Variants in EIF2AK4 observed in about 807,000 individuals in gnomAD.
The protein encoded by EIF2AK4 is eukaryotic translation initiation factor 2 alpha kinase 4.
A neutral mutation model predicts 211.1 loss-of-function variants in EIF2AK4; 139 were observed. That is an observed-to-expected ratio of 0.66 (90% confidence interval 0.57 to 0.76). The LOEUF is 0.76. Among genes scored for constraint, EIF2AK4 ranks in the 30% least tolerant of loss-of-function variants. The pLI, the probability that EIF2AK4 is intolerant of heterozygous loss-of-function variation, is 0.00. For missense variants in EIF2AK4, 1,664 were observed against 2,043.8 expected (o/e 0.81, Z 3.58); for synonymous variants, 710 against 751.3 (o/e 0.94, Z 0.90).
In EIF2AK4 at chr15:39,967,748, A is replaced by G. The variant is rs1269247901; in HGVS notation, c.1422A>G (p.Lys474=). The change falls in exon 9 of 39, where the codon AAA becomes AAG. Residue 474 remains lysine, a synonymous_variant. Transcript: ENST00000263791. The part of the protein sequence containing the change: ...VRFSDNALPY[K]TGKKGDVWRL... ...TTAGTGACAATGCTCTGCCTTATAA[A>G]ACGGGGAAGAAAGGAGATGTTTGGC... 1 of 1,614,148 alleles carries G rather than the reference A, an allele frequency of 6.2e-7. No homozygotes were observed. Among genetic ancestry groups the G allele is most frequent in the East Asian group, 2.2e-5 (1 of 44,884 alleles).
chr15:40,035,155 TTCA>T lies in EIF2AK4; in HGVS notation c.*76_*78del. 2.6e-6 allele frequency: 3 copies of T among 1,166,030 alleles called. No homozygotes were observed. The highest frequency in any genetic ancestry group is 2.5e-5 in the East Asian group (1 of 39,638). 72.2% of individuals were successfully genotyped at this position (1,166,030 alleles called of 1,614,324 possible). A position where few individuals can be genotyped will look rare whatever the true frequency, so the allele number is the denominator to read the frequency against. On this transcript the variant is annotated 3_prime_UTR_variant, in exon 39 of 39. Coordinates refer to ENST00000263791, the MANE Select transcript of EIF2AK4 (RefSeq NM_001013703.4). ...TACTGGAATAATGGAATGTTGTACA[TTCA>T]TCATAATTTAAAATTAAATTCTAAG...
rs1038130422 is a variant in EIF2AK4 at position 39,996,944 on chromosome 15, C to A, written c.2767-20C>A. On this transcript the variant is annotated intron_variant, in intron 18 of 38. Transcript: ENST00000263791. ...CTTTCATATCAAGGCTCTCTAAATG[C>A]AATTATTCTTCCCCCTCAGAAAGTG... 5.3e-6 allele frequency: 8 copies of A among 1,514,438 alleles called. No homozygotes were observed. The highest frequency in any genetic ancestry group is 7.3e-6 in the Non-Finnish European group (8 of 1,089,816). The allele number at this position is 1,514,438 out of a possible 1,614,324, so 93.8% of individuals were successfully genotyped here.
At chr15:39,968,941 G>A (rs2034582853) in intron 9 of EIF2AK4, among the ~76,000 whole-genome samples, 1 of 151,744 alleles carries the variant, frequency 6.6e-6, no homozygotes, top group African/African-American at 2.4e-5. Context: ...GATTCTTTAT[G>A]TTGGTTTCTC....
rs1486641068 is a variant in EIF2AK4 at position 40,001,067 on chromosome 15, T to C, written c.3002T>C (p.Leu1001Pro). ...TATELLKSEL[L>P]PPPQMEESEL... The stretch of plus-strand genomic sequence containing the variant: ...ACAGAACTGCTCAAGAGTGAGCTGC[T>C]GCCCCCACCCCAGATGGAGGAGTCA... Residue 1001 changes from leucine to proline, a missense_variant, in exon 21 of 39, where the codon CTG becomes CCG. Around this residue, in one of 7 missense-constraint regions of EIF2AK4, gnomAD observed 622 missense variants for 796.8 expected, o/e 0.78. Transcript: ENST00000263791. 1 of 1,614,104 alleles carries C rather than the reference T, an allele frequency of 6.2e-7. No homozygotes were observed. The highest frequency in any genetic ancestry group is 1.3e-5 in the African/African-American group (1 of 74,930).
chr15:39,993,248 A>G (rs759497194), intron 18 of EIF2AK4, among the ~76,000 whole-genome samples: 13 of 152,066 alleles, frequency 8.5e-5, no homozygotes, highest in Admixed American at 3.9e-4. Flanking sequence ...ATCCATCCAA[A>G]GAATGTGCAA....
intron 27 of EIF2AK4, among the ~76,000 whole-genome samples, chr15:40,012,011 G>C (rs1007927748): frequency 1.3e-5 from 2 of 152,158 alleles, no homozygotes; most frequent in African/African-American, 4.8e-5. Context: ...TTTAAATAAG[G>C]AAAGTTTTTT....
At chr15:39,952,626 C>T (rs888404546) in intron 4 of EIF2AK4, among the ~76,000 whole-genome samples, 2 of 151,982 alleles carry the variant, frequency 1.3e-5, no homozygotes, top group African/African-American at 4.8e-5. Context: ...AATTTTCTTC[C>T]TACAGATATT....
At position 39,934,169 on chromosome 15, in the gene EIF2AK4, C is replaced by A; in HGVS notation, c.-27C>A. On this transcript the variant is annotated 5_prime_UTR_variant, in exon 1 of 39. Transcript: ENST00000263791. ...GGGGCCCACCGCCGCCCAGGCAAGG[C>A]CGCCCTGCCTTGGGCGCAGCGCTGC... 1 of 1,371,602 alleles carries A rather than the reference C, an allele frequency of 7.3e-7. No individual in the cohort carries two copies. Among genetic ancestry groups the A allele is most frequent in the Non-Finnish European group, 9.4e-7 (1 of 1,065,362 alleles). The allele number at this position is 1,371,602 out of a possible 1,614,324, so 85.0% of individuals were successfully genotyped here. A position where few individuals can be genotyped will look rare whatever the true frequency, so the allele number is the denominator to read the frequency against.
At chr15:39,972,349 CAA>C (rs71309404) in intron 9 of EIF2AK4, among the ~76,000 whole-genome samples, 33 of 115,796 alleles carry the variant, frequency 2.8e-4, no homozygotes, top group Admixed American at 6.3e-4. Flanking sequence ...GACCCTATTT[CAA>C]AAAAAAAAAA....
chr15:40,011,395 A>G, intron 27 of EIF2AK4, 49 bp downstream of exon 27: 2 of 1,493,898 alleles, frequency 1.3e-6, no homozygotes, highest in Non-Finnish European at 1.8e-6. Flanking sequence ...TAATTTTGTG[A>G]TACCAGAAAA....
intron 13 of EIF2AK4, 82 bp from the exon 14 acceptor site, chr15:39,985,722 TG>T: frequency 7.6e-7 from 1 of 1,310,212 alleles, no homozygotes; most frequent in Non-Finnish European, 1.1e-6. Context: ...GTGTTGGGGG[TG>T]GGCACAAATA....
At position 39,967,494 on chromosome 15, in the gene EIF2AK4, C is replaced by T. The variant is rs941299276; in HGVS notation, c.1168C>T (p.His390Tyr). 1.9e-6 allele frequency: 3 copies of T among 1,614,014 alleles called. No homozygotes were observed. The highest frequency in any genetic ancestry group is 2.5e-6 in the Non-Finnish European group (3 of 1,180,028). Reference protein sequence around the residue: ...EHISGVSLAAHLSHSGPIPVH... With the variant: ...EHISGVSLAAYLSHSGPIPVH... ...CATTAGTGGGGTCTCTCTTGCTGCA[C>T]ACCTGAGCCACTCAGGCCCCATCCC... The change falls in exon 9 of 39, where the codon CAC becomes TAC. Residue 390 changes from histidine (H) to tyrosine (Y), a missense_variant. Around this residue, in one of 7 missense-constraint regions of EIF2AK4, gnomAD observed 641 missense variants for 729.6 expected, o/e 0.88. Coordinates refer to ENST00000263791, the MANE Select transcript of EIF2AK4 (RefSeq NM_001013703.4).
At chr15:40,022,239 C>A (rs2140946258) in intron 31 of EIF2AK4, 2 of 225,580 alleles carry the variant, frequency 8.9e-6, no homozygotes, top group Non-Finnish European at 8.3e-6. Context: ...TAATTTTGGG[C>A]ATCTTTTATT....
Position 40,009,729 on chromosome 15 carries a change from T to A in EIF2AK4, c.3692T>A (p.Val1231Glu). ...SQVYIILYDA[V>E]TEKLTRREVE... ...GTCTACATTATTCTGTATGATGCTG[T>A]GGTAAGCATTTAATTACTTATGATG... is the stretch of plus-strand genomic sequence containing the variant. The change falls in exon 26 of 39, where the codon GTG (valine) becomes GAG (glutamate). Residue 1231 changes from valine (V) to glutamate (E), a missense_variant and splice_region_variant. Coordinates refer to ENST00000263791, the MANE Select transcript of EIF2AK4 (RefSeq NM_001013703.4). 6.4e-7 allele frequency: 1 copy of A among 1,550,652 alleles called. No individual in the cohort carries two copies. Among genetic ancestry groups the A allele is most frequent in the Non-Finnish European group, 8.8e-7 (1 of 1,131,068 alleles).
intron 3 of EIF2AK4, chr15:39,946,498 G>T (rs556640001): frequency 3.4e-5 from 24 of 696,076 alleles, no homozygotes; most frequent in Admixed American, 8.1e-5. Flanking sequence ...GAGAGAAAGT[G>T]GTTTCTTGAG....
chr15:40,027,688 A>C (rs2035482329), intron 33 of EIF2AK4, among the ~76,000 whole-genome samples: 1 of 152,146 alleles, frequency 6.6e-6, no homozygotes, highest in African/African-American at 2.4e-5. Flanking sequence ...CAGGAGATCG[A>C]GATCATCCTG....
intron 11 of EIF2AK4, chr15:39,974,504 A>T (rs752194745): frequency 1.3e-5 from 2 of 152,194 alleles, no homozygotes; most frequent in Non-Finnish European, 2.9e-5. Flanking sequence ...AAAAACTTTT[A>T]CACTAAAAAA....
At chr15:39,962,328 T>G (rs937427418) in intron 7 of EIF2AK4, among the ~76,000 whole-genome samples, 1 of 152,236 alleles carries the variant, frequency 6.6e-6, no homozygotes, top group Non-Finnish European at 1.5e-5. Flanking sequence ...ATTTTAAATC[T>G]GTCATCATTA....
chr15:40,001,129 G>A lies in EIF2AK4; in HGVS notation c.3064G>A (p.Val1022Met), dbSNP rs770680794. 1.1e-4 allele frequency: 176 copies of A among 1,614,022 alleles called. 2 individuals are homozygous for A. The East Asian group carries it at 3.6e-3, about 33-fold the overall frequency. ...HEVLHHTLTN[V>M]DGKAYRTMMA... ...AGTGCTGCACCACACGCTGACCAAC[G>A]TGGATGGGAAGGCCTACCGCACCAT... Residue 1022 changes from valine (V) to methionine (M), a missense_variant, in exon 21 of 39, where the codon GTG (valine) becomes ATG (methionine). This residue lies in a region of EIF2AK4 where 622 missense variants were observed against 796.8 expected (regional missense o/e 0.78). Coordinates refer to ENST00000263791, the MANE Select transcript of EIF2AK4 (RefSeq NM_001013703.4).
Sources: gnomAD v4.1 joint callset for allele counts (sites outside exome capture counted in the v4.1 genomes callset) on GRCh38, gnomAD v4.1.1 for gene constraint, gnomAD v4.1.1 regional missense constraint, MANE v1.5 for transcripts, NCBI Gene and HGNC (gene_info 2026-07-23, HGNC 2026-07-21) for gene names.